The following SAMD3 variants were observed in gnomAD, a reference collection of about 807,000 sequenced individuals.
The protein encoded by SAMD3 is sterile alpha motif domain containing 3.
Under a neutral mutation model 58.5 loss-of-function variants are expected in SAMD3, and 63 were observed. That is an observed-to-expected ratio of 1.08 (90% CI 0.88 to 1.33). SAMD3 has a LOEUF of 1.33. Ranked by LOEUF, SAMD3 falls within the 40% of genes most tolerant of loss-of-function variation. The probability of loss-of-function intolerance (pLI) is 0.00; values close to 1 mark genes in which losing one functional copy is unlikely to be tolerated. For synonymous variants in SAMD3, 220 were observed against 210.3 expected (o/e 1.05, Z -0.40); for missense variants, 604 against 608.4 (o/e 0.99, Z 0.08).
chr6:130,241,525 G>A (rs1370044227), intron 2 of SAMD3, among the ~76,000 whole-genome samples: 1 of 151,962 alleles, frequency 6.6e-6, no homozygotes, highest in Non-Finnish European at 1.5e-5. Context: ...TAAACTTCCT[G>A]TGATTCTATT....
At chr6:130,293,679 G>C (rs985578781) in intron 2 of SAMD3, among the ~76,000 whole-genome samples, 1 of 101,420 alleles carries the variant, frequency 9.9e-6, no homozygotes, top group African/African-American at 3.1e-5. Context: ...ATTTGATGTT[G>C]ACATATGATT....
At position 130,215,202 on chromosome 6, in the gene SAMD3, T is replaced by C. The variant is rs765666536; in HGVS notation, c.72A>G (p.Arg24=). ...VEKNLGELVH[R]FQEEEVSGAA... is the part of the protein sequence containing the mutation. ...AAAGCATAAACAACTCACCTTGAAA[T>C]CTATGAACTAGCTCTCCTAAATTTT... The change falls in exon 3 of 12, where the codon AGA becomes AGG. Residue 24 remains arginine (R), a synonymous_variant. Transcript: ENST00000439090. 6.3e-7 allele frequency: 1 copy of C among 1,585,750 alleles called. No homozygotes were observed. Among genetic ancestry groups the C allele is most frequent in the Non-Finnish European group, 8.7e-7 (1 of 1,155,422 alleles).
chr6:130,238,423 C>G (rs1449011327), intron 2 of SAMD3, among the ~76,000 whole-genome samples: 1 of 151,976 alleles, frequency 6.6e-6, no homozygotes, highest in Non-Finnish European at 1.5e-5. Context: ...TTAGTTCTAT[C>G]AAGTCAATTC....
At chr6:130,334,703 G>A (rs1320299606) in intron 1 of SAMD3, among the ~76,000 whole-genome samples, 2 of 152,140 alleles carry the variant, frequency 1.3e-5, no homozygotes, top group East Asian at 1.9e-4. Flanking sequence ...CCAGAGACTC[G>A]TATTTGGAAG....
chr6:130,184,296 A>C, intron 6 of SAMD3, 109 bp from the exon 7 acceptor site: 1 of 1,176,970 alleles, frequency 8.5e-7, no homozygotes, highest in Non-Finnish European at 1.2e-6. Flanking sequence ...TATATAACAA[A>C]AAGAGATTTA....
At chr6:130,362,822 A>G (rs1262147465) in intron 1 of SAMD3, among the ~76,000 whole-genome samples, 1 of 152,224 alleles carries the variant, frequency 6.6e-6, no homozygotes, top group Non-Finnish European at 1.5e-5. Context: ...AAAAGAAATT[A>G]GCAACATCTT....
intron 2 of SAMD3, among the ~76,000 whole-genome samples, chr6:130,306,540 T>G (rs1289752204): frequency 1.3e-5 from 2 of 150,230 alleles, no homozygotes; most frequent in Non-Finnish European, 3.0e-5. Context: ...AAATCTACCA[T>G]GGCTGGTTGA....
At chr6:130,288,370 C>G (rs1011711809) in intron 2 of SAMD3, among the ~76,000 whole-genome samples, 5 of 152,128 alleles carry the variant, frequency 3.3e-5, no homozygotes, top group African/African-American at 1.2e-4. Flanking sequence ...TCCCTAAAGG[C>G]CTTCAACTTA....
At chr6:130,300,800 A>G (rs193238504) in intron 2 of SAMD3, among the ~76,000 whole-genome samples, 113 of 152,260 alleles carry the variant, frequency 7.4e-4, no homozygotes, top group African/African-American at 2.6e-3. Flanking sequence ...CAAAATCAAC[A>G]TACAAATATC....
intron 8 of SAMD3, among the ~76,000 whole-genome samples, chr6:130,156,962 C>T (rs770978390): frequency 9.2e-5 from 14 of 151,824 alleles, no homozygotes; most frequent in Non-Finnish European, 1.6e-4. Context: ...CCCAGCTACC[C>T]GGGGGACTGA....
At chr6:130,217,379 G>A (rs1425312437) in intron 1 of SAMD3, among the ~76,000 whole-genome samples, 1 of 152,154 alleles carries the variant, frequency 6.6e-6, no homozygotes, top group Non-Finnish European at 1.5e-5. Context: ...GTGAAGGCAA[G>A]CATTATCTCT....
intron 2 of SAMD3, among the ~76,000 whole-genome samples, chr6:130,259,175 T>C (rs760702972): frequency 6.6e-6 from 1 of 152,182 alleles, no homozygotes; most frequent in African/African-American, 2.4e-5. Flanking sequence ...TAAGTTTTAG[T>C]CTGTTTTATG....
At chr6:130,202,471 T>A (rs1794724896) in intron 5 of SAMD3, among the ~76,000 whole-genome samples, 1 of 152,174 alleles carries the variant, frequency 6.6e-6, no homozygotes, top group Non-Finnish European at 1.5e-5. Context: ...CCCTACTGTA[T>A]CCCCAATACC....
intron 1 of SAMD3, chr6:130,221,883 C>T (rs1315895808): frequency 6.6e-6 from 1 of 152,002 alleles, no homozygotes; most frequent in Admixed American, 6.5e-5. Context: ...AACTCTTGAA[C>T]AAAATTTTAA....
chr6:130,186,829 G>GGC (rs1793020313), intron 5 of SAMD3, among the ~76,000 whole-genome samples: 1 of 146,966 alleles, frequency 6.8e-6, no homozygotes. Context: ...GGAGTGCAGT[G>GGC]GTGCAATCTC....
At chr6:130,307,863 A>G (rs560176679) in intron 2 of SAMD3, among the ~76,000 whole-genome samples, 1 of 152,336 alleles carries the variant, frequency 6.6e-6, no homozygotes, top group South Asian at 2.1e-4. Flanking sequence ...GTTGTTTTAG[A>G]ACCAAAGATT....
chr6:130,247,855 A>T (rs1202648041), intron 2 of SAMD3, among the ~76,000 whole-genome samples: 4 of 152,176 alleles, frequency 2.6e-5, no homozygotes, highest in Non-Finnish European at 5.9e-5. Context: ...TTAAGTTTTA[A>T]CTGTTGCATC....
At chr6:130,149,591 C>G (rs1344695155) in intron 9 of SAMD3, among the ~76,000 whole-genome samples, 2 of 152,136 alleles carry the variant, frequency 1.3e-5, no homozygotes, top group East Asian at 1.9e-4. Context: ...GGCCATTGTT[C>G]TAAGCAAATT....
intron 2 of SAMD3, among the ~76,000 whole-genome samples, chr6:130,248,146 C>T (rs184345054): frequency 6.1e-4 from 93 of 151,562 alleles, no homozygotes; most frequent in African/African-American, 2.3e-3. Flanking sequence ...TTATTTTGAA[C>T]TGTTCTGAAT....
Sources: allele counts gnomAD v4.1 joint callset (sites outside exome capture counted in the v4.1 genomes callset), GRCh38; gene constraint gnomAD v4.1.1; transcripts MANE v1.5; gene names NCBI Gene and HGNC (gene_info 2026-07-23, HGNC 2026-07-21).